TRMT11: variants seen among roughly 807,000 people sequenced by gnomAD.
The protein encoded by TRMT11 is tRNA (guanine(10)-N(2))-methyltransferase TRMT11.
Under a neutral mutation model 62.8 loss-of-function variants are expected in TRMT11, and 53 were observed. The observed-to-expected ratio is 0.84, with a 90% CI of 0.68 to 1.06. TRMT11 has a LOEUF of 1.06. TRMT11 is among the 50% of genes least tolerant of loss of function. TRMT11 has a pLI of 0.00. For missense variants in TRMT11, 556 were observed against 553.4 expected (o/e 1.00, Z -0.05); for synonymous variants, 188 against 190.3 (o/e 0.99, Z 0.10).
intron 21 of TRMT11, among the ~76,000 whole-genome samples, chr6:126,171,896 T>C (rs1023394185): frequency 1.3e-5 from 2 of 152,056 alleles, no homozygotes; most frequent in African/African-American, 4.8e-5. Context: ...ATTTTTGTAT[T>C]TTTAGTAGAG....
At chr6:126,176,414 CTA>C (rs1778385517), upstream of TRMT11, among the ~76,000 whole-genome samples, 1 of 152,022 alleles carries the variant, frequency 6.6e-6, no homozygotes, top group Admixed American at 6.6e-5. Flanking sequence ...TTGGAAATAA[CTA>C]TAGTCAGCTC....
At chr6:126,072,032 C>G (rs1037427247) in intron 17 of TRMT11, among the ~76,000 whole-genome samples, 4 of 152,148 alleles carry the variant, frequency 2.6e-5, no homozygotes, top group African/African-American at 9.7e-5. Flanking sequence ...TGCTAACTAG[C>G]TGTGTGACTG....
intron 1 of TRMT11, among the ~76,000 whole-genome samples, chr6:126,181,539 G>C (rs1458271906): frequency 6.6e-6 from 1 of 152,100 alleles, no homozygotes; most frequent in African/African-American, 2.4e-5. Flanking sequence ...CATATCAAAG[G>C]GTTTTGTGGG....
intron 17 of TRMT11, among the ~76,000 whole-genome samples, chr6:126,073,292 A>G (rs1237216036): frequency 6.6e-6 from 1 of 152,178 alleles, no homozygotes; most frequent in Non-Finnish European, 1.5e-5. Flanking sequence ...GTGCACTCCT[A>G]CAGTCTCTGC....
downstream of TRMT11, among the ~76,000 whole-genome samples, chr6:126,039,582 A>G (rs1775802867): frequency 6.6e-6 from 1 of 152,102 alleles, no homozygotes; most frequent in Admixed American, 6.6e-5. Context: ...ATGGTTCCTT[A>G]ATGGTATTAA....
At chr6:126,078,389 A>G (rs1236234080) in intron 17 of TRMT11, among the ~76,000 whole-genome samples, 1 of 150,072 alleles carries the variant, frequency 6.7e-6, no homozygotes, top group African/African-American at 2.5e-5. Context: ...TGCATTTTTT[A>G]TTAGAAAGGT....
chr6:126,141,681 A>C (rs1777918594), intron 21 of TRMT11, among the ~76,000 whole-genome samples: 1 of 152,218 alleles, frequency 6.6e-6, no homozygotes, highest in Admixed American at 6.6e-5. Context: ...AGGAGATTAT[A>C]TATGGTGTAT....
downstream of TRMT11, among the ~76,000 whole-genome samples, chr6:126,204,156 G>A (rs1401613639): frequency 2.0e-5 from 3 of 152,086 alleles, no homozygotes; most frequent in African/African-American, 7.2e-5. Context: ...AGATTCAATG[G>A]GATGTTATTT....
At chr6:126,228,035 G>C in the TRMT11 span, among the ~76,000 whole-genome samples, 1 of 152,182 alleles carries the variant, frequency 6.6e-6, no homozygotes, top group Admixed American at 6.5e-5. Context: ...AGTCACTTCT[G>C]GCCCCTTGGC....
chr6:126,178,898 C>T (rs965154364), intron 1 of TRMT11, among the ~76,000 whole-genome samples: 54 of 152,024 alleles, frequency 3.6e-4, no homozygotes, highest in African/African-American at 7.2e-4. Flanking sequence ...CAATTCTGCC[C>T]GAAAAACATA....
At chr6:126,269,689 T>C in the TRMT11 span, among the ~76,000 whole-genome samples, 1 of 152,202 alleles carries the variant, frequency 6.6e-6, no homozygotes, top group Non-Finnish European at 1.5e-5. Flanking sequence ...ACTTTACATA[T>C]ACACAGCAGA....
At chr6:126,062,128 C>T (rs1051876419) in intron 17 of TRMT11, among the ~76,000 whole-genome samples, 5 of 152,158 alleles carry the variant, frequency 3.3e-5, no homozygotes, top group Admixed American at 2.0e-4. Flanking sequence ...TCAAGAGATC[C>T]GTCCACCTTG....
chr6:126,045,783 G>A (rs1776039365), intron 16 of TRMT11, among the ~76,000 whole-genome samples: 1 of 152,096 alleles, frequency 6.6e-6, no homozygotes, highest in African/African-American at 2.4e-5. Flanking sequence ...TGGGACATAT[G>A]GTGGCAGGGC....
At chr6:126,162,753 A>C (rs1778206063) in intron 21 of TRMT11, among the ~76,000 whole-genome samples, 1 of 152,178 alleles carries the variant, frequency 6.6e-6, no homozygotes. Context: ...AGTGGTTTGT[A>C]GTATTCCTTG....
chr6:126,155,903 T>A (rs1381219704), intron 21 of TRMT11, among the ~76,000 whole-genome samples: 3 of 152,124 alleles, frequency 2.0e-5, no homozygotes, highest in Admixed American at 6.5e-5. Context: ...TTTTTTAATA[T>A]TTTTAGTAGA....
chr6:126,172,265 G>T (rs1416477373), upstream of TRMT11, among the ~76,000 whole-genome samples: 4 of 152,086 alleles, frequency 2.6e-5, no homozygotes, highest in African/African-American at 9.7e-5. Context: ...GGGGATTGCT[G>T]AGGTGTCACA....
At chr6:126,015,871 G>C (rs935595362) in intron 11 of TRMT11, among the ~76,000 whole-genome samples, 16 of 152,108 alleles carry the variant, frequency 1.1e-4, no homozygotes, top group African/African-American at 3.4e-4. Context: ...GCCATCTGAT[G>C]TTTCTTCTAT....
At chr6:126,085,429 G>A (rs537438094) in intron 17 of TRMT11, among the ~76,000 whole-genome samples, 51 of 152,110 alleles carry the variant, frequency 3.4e-4, no homozygotes, top group African/African-American at 1.2e-3. Context: ...ATTTTCTTTT[G>A]GTCTCTTGCT....
chr6:126,227,181 T>A, the TRMT11 span, among the ~76,000 whole-genome samples: 1 of 152,224 alleles, frequency 6.6e-6, no homozygotes, highest in Non-Finnish European at 1.5e-5. Context: ...AATGCTATAA[T>A]AACTAGCAAA....
Sources: allele counts gnomAD v4.1 joint callset (sites outside exome capture counted in the v4.1 genomes callset), GRCh38; gene constraint gnomAD v4.1.1; transcripts MANE v1.5; gene names NCBI Gene and HGNC (gene_info 2026-07-23, HGNC 2026-07-21).